The following ESR2 variants were observed in gnomAD, a reference collection of about 807,000 sequenced individuals.
The protein encoded by ESR2 is estrogen receptor 2, also known as estrogen receptor beta.
In ESR2, 36 loss-of-function variants were observed where a neutral mutation model predicts 49.6. The ratio of observed to expected loss-of-function variants is 0.73; its 90% CI spans 0.56 to 0.96. The LOEUF (loss-of-function observed/expected upper bound fraction) is 0.96, where lower values mean the gene tolerates loss of function less well. Ranked by LOEUF, ESR2 falls within the 40% of genes least tolerant of loss-of-function variation. ESR2 has a pLI of 0.00. For missense variants in ESR2, 714 were observed against 693.0 expected (o/e 1.03, Z -0.34); for synonymous variants, 320 against 266.1 (o/e 1.20, Z -1.97).
At chr14:64,305,437 A>C (rs1011070009) in intron 1 of ESR2, among the ~76,000 whole-genome samples, 1 of 149,716 alleles carries the variant, frequency 6.7e-6, no homozygotes, top group African/African-American at 2.5e-5. Context: ...TTGGGAGGCC[A>C]AGGCGGGCGG....
chr14:64,293,474 T>C (rs989903748), intron 1 of ESR2, among the ~76,000 whole-genome samples: 2 of 152,228 alleles, frequency 1.3e-5, no homozygotes, highest in African/African-American at 4.8e-5. Context: ...GACATTCACT[T>C]GACTTAATAT....
chr14:64,300,763 ATTTT>A (rs1296000853), intron 1 of ESR2, among the ~76,000 whole-genome samples: 1 of 151,714 alleles, frequency 6.6e-6, no homozygotes, highest in African/African-American at 2.4e-5. Context: ...AAAAAAAAAA[ATTTT>A]TTTCTGACAC....
chr14:64,312,142 T>A (rs931312449), intron 1 of ESR2, among the ~76,000 whole-genome samples: 18 of 152,098 alleles, frequency 1.2e-4, no homozygotes. Context: ...ATGACATCAA[T>A]ACACTGTATT....
At chr14:64,285,172 G>T (rs1200455284) in intron 1 of ESR2, among the ~76,000 whole-genome samples, 1 of 152,028 alleles carries the variant, frequency 6.6e-6, no homozygotes, top group Non-Finnish European at 1.5e-5. Flanking sequence ...TCTTATCAGT[G>T]CATCTGTAAC....
upstream of ESR2, among the ~76,000 whole-genome samples, chr14:64,296,576 G>T (rs1307094207): frequency 6.6e-6 from 1 of 152,186 alleles, no homozygotes; most frequent in East Asian, 1.9e-4. Flanking sequence ...AGAGGCCAAG[G>T]ACCCATTTAC....
chr14:64,283,792 G>A (rs368760328), intron 1 of ESR2, among the ~76,000 whole-genome samples: 3 of 139,676 alleles, frequency 2.1e-5, no homozygotes, highest in East Asian at 2.1e-4. Flanking sequence ...TACCATTTCC[G>A]AAAAAAGTTT....
chr14:64,260,096 G>A lies in ESR2; in HGVS notation c.952+353C>T, dbSNP rs974475735. 1.8e-5 allele frequency: 9 copies of A among 489,686 alleles called. 1 individual carries two copies. The highest frequency in any genetic ancestry group is 2.3e-5 in the Admixed American group (1 of 43,790). 30.3% of individuals were successfully genotyped at this position (489,686 alleles called of 1,614,324 possible). A position where few individuals can be genotyped will look rare whatever the true frequency, so the allele number is the denominator to read the frequency against. ...CAGGTGAGTGTCTGTAGCAGATGTGGACACACAGGATAGGGTTTGTGCAAG... is the reference window on the plus strand; with the variant it reads ...CAGGTGAGTGTCTGTAGCAGATGTGAACACACAGGATAGGGTTTGTGCAAG... On this transcript the variant is annotated intron_variant, in intron 5 of 8. Transcript: ENST00000341099.
chr14:64,289,521 T>TAAAGAA lies in ESR2; in HGVS notation c.-91+4506_-91+4511dup, dbSNP rs551773660. 3.7e-5 allele frequency among the ~76,000 whole-genome samples: 5 copies of TAAAGAA among 134,126 alleles called. No homozygotes were observed. The East Asian group carries it at 8.6e-4, about 23-fold the overall frequency. The allele number at this position is 134,126 out of a possible 152,430, so 88.0% of individuals were successfully genotyped here. Reference sequence around the variant, plus strand: ...GAGCAAAACTTCATTTCAAAAAAAATAAAGAAAAAGAAAAAGAAAAAAAAA... The same window carrying TAAAGAA: ...GAGCAAAACTTCATTTCAAAAAAAATAAAGAAAAAGAAAAAGAAAAAGAAAAAAAAA... On this transcript the variant is annotated intron_variant, in intron 1 of 8. Coordinates refer to ENST00000341099, the MANE Select transcript of ESR2 (RefSeq NM_001437.3).
At chr14:64,299,511 C>G (rs1478289689) in intron 1 of ESR2, among the ~76,000 whole-genome samples, 1 of 151,772 alleles carries the variant, frequency 6.6e-6, no homozygotes. Flanking sequence ...AGGCACCCAC[C>G]ACCACACCCG....
intron 1 of ESR2, among the ~76,000 whole-genome samples, chr14:64,318,622 G>C (rs761543804): frequency 5.4e-4 from 81 of 150,352 alleles, no homozygotes; most frequent in Non-Finnish European, 1.0e-3. Context: ...AAAATATGCT[G>C]GGTGTGGTGG....
intron 1 of ESR2, among the ~76,000 whole-genome samples, chr14:64,333,233 T>C (rs2077484796): frequency 6.6e-6 from 1 of 152,206 alleles, no homozygotes; most frequent in Admixed American, 6.5e-5. Flanking sequence ...TGTGAGCTTA[T>C]GATGAGAGAC....
chr14:64,279,665 T>G (rs1046911332), intron 3 of ESR2, among the ~76,000 whole-genome samples: 3 of 152,234 alleles, frequency 2.0e-5, no homozygotes, highest in Non-Finnish European at 2.9e-5. Context: ...TCTTTGCAAC[T>G]CCTTGTGAGC....
Position 64,260,541 on chromosome 14 carries a change from G to T in ESR2, c.860C>A (p.Ala287Glu). Residue 287 changes from alanine to glutamate, a missense_variant, in exon 5 of 9, where the codon GCG becomes GAG. Transcript: ENST00000341099. Reference sequence around the variant, plus strand: ...CATCATGGAGGCCTCGGTGAAGGGCGCACTGGGGCGGCTGATCAGCACATG... The same window carrying T: ...CATCATGGAGGCCTCGGTGAAGGGCTCACTGGGGCGGCTGATCAGCACATG... ...PPHVLISRPS[A>E]PFTEASMMMS... is the part of the protein sequence containing the mutation. The T allele has an allele frequency of 6.3e-7, 1 of 1,575,538 alleles. No homozygotes were observed. The highest frequency in any genetic ancestry group is 1.2e-5 in the South Asian group (1 of 85,788).
intron 6 of ESR2, among the ~76,000 whole-genome samples, chr14:64,255,085 G>C (rs2076071957): frequency 1.3e-5 from 2 of 152,008 alleles, no homozygotes; most frequent in Admixed American, 1.3e-4. Flanking sequence ...AGGAATTAAA[G>C]AACGCATACA....
intron 7 of ESR2, among the ~76,000 whole-genome samples, chr14:64,249,055 G>A (rs17766755): frequency 0.31 from 47,380 of 151,894 alleles, 7,681 homozygotes; most frequent in Middle Eastern, 0.38. Context: ...CTATTTTCCC[G>A]TAGTATTTTG....
At chr14:64,278,294 G>A (rs1022706752) in intron 3 of ESR2, among the ~76,000 whole-genome samples, 5 of 152,142 alleles carry the variant, frequency 3.3e-5, no homozygotes, top group Non-Finnish European at 7.3e-5. Context: ...CAGGCTAGGA[G>A]GTGAAGTCGC....
chr14:64,319,339 G>A (rs2077297993), intron 1 of ESR2, among the ~76,000 whole-genome samples: 2 of 151,980 alleles, frequency 1.3e-5, no homozygotes, highest in African/African-American at 2.4e-5. Context: ...AGACAACGTA[G>A]GAGAAAATGT....
intron 3 of ESR2, among the ~76,000 whole-genome samples, chr14:64,272,163 T>C (rs2076461624): frequency 6.6e-6 from 1 of 152,226 alleles, no homozygotes; most frequent in Non-Finnish European, 1.5e-5. Context: ...GATGTTGAAC[T>C]CCTTTTCATA....
chr14:64,280,204 G>C lies in ESR2; in HGVS notation c.363-51C>G, dbSNP rs1161287691. The C allele has an allele frequency of 2.3e-6, 3 of 1,330,894 alleles. 1 individual carries two copies. 82.4% of individuals were successfully genotyped at this position (1,330,894 alleles called of 1,614,324 possible). A position where few individuals can be genotyped will look rare whatever the true frequency, so the allele number is the denominator to read the frequency against. On this transcript the variant is annotated intron_variant, in intron 2 of 8. Coordinates refer to ENST00000341099, the MANE Select transcript of ESR2 (RefSeq NM_001437.3). ...GAACAGAGCATAAAAGGGAAAGGAA[G>C]GGCTTTCTAGGAAAAAAAAATAGCA...
Sources: allele counts gnomAD v4.1 joint callset (sites outside exome capture counted in the v4.1 genomes callset), GRCh38; gene constraint gnomAD v4.1.1; transcripts MANE v1.5; gene names NCBI Gene and HGNC (gene_info 2026-07-23, HGNC 2026-07-21).